The following ALDH18A1 variants were observed in gnomAD, a reference collection of about 807,000 sequenced individuals.
ALDH18A1 encodes aldehyde dehydrogenase 18 family member A1.
Under a neutral mutation model 88.8 loss-of-function variants are expected in ALDH18A1, and 44 were observed. The observed-to-expected ratio is 0.50, with a 90% confidence interval of 0.39 to 0.64. The LOEUF is 0.64. Among genes scored for constraint, ALDH18A1 ranks in the 30% least tolerant of loss-of-function variants. ALDH18A1 has a pLI of 0.00. For missense variants in ALDH18A1, 782 were observed against 1,009.5 expected, an observed-to-expected ratio of 0.77 and a Z score of 3.05; for synonymous variants, 331 against 372.1, an observed-to-expected ratio of 0.89 and a Z score of 1.27.
intron 11 of ALDH18A1, among the ~76,000 whole-genome samples, chr10:95,623,992 C>T (rs997149205): frequency 5.3e-5 from 8 of 151,926 alleles, no homozygotes; most frequent in African/African-American, 9.7e-5. Context: ...TGAGCCACTG[C>T]GCCCAGCAGT....
chr10:95,633,372 A>T, intron 6 of ALDH18A1, 119 bp downstream of exon 6: 1 of 1,311,338 alleles, frequency 7.6e-7, no homozygotes, highest in South Asian at 1.4e-5. Flanking sequence ...CTGCTCCATG[A>T]CAAGTTTCTC....
intron 11 of ALDH18A1, among the ~76,000 whole-genome samples, chr10:95,624,495 G>C (rs2097857769): frequency 6.6e-6 from 1 of 152,178 alleles, no homozygotes; most frequent in Admixed American, 6.5e-5. Context: ...TTTAAGGAAT[G>C]AAAGTAACGT....
Position 95,637,170 on chromosome 10 carries a change from A to G in ALDH18A1, c.481T>C (p.Cys161Arg), listed in dbSNP as rs2097882275. Residue 161 changes from cysteine to arginine, a missense_variant, in exon 5 of 18, where the codon TGT (cysteine) becomes CGT (arginine). By Grantham distance (180) the Cys-to-Arg change is radical (BLOSUM62 -3). Coordinates refer to ENST00000371224, the MANE Select transcript of ALDH18A1 (RefSeq NM_002860.4). ...AGCCCACTCTGTCCGGCAGCTGCAC[A>G]GGCTCGTGCCTCTAAGACTGGAATT... ...MAIPVLEARA[C>R]AAAGQSGLMA... 1 of 1,614,092 alleles carries G rather than the reference A, an allele frequency of 6.2e-7. No homozygotes were observed. The highest frequency in any genetic ancestry group is 1.3e-5 in the African/African-American group (1 of 74,940).
In ALDH18A1 at chr10:95,614,114, C is replaced by T; in HGVS notation, c.1653G>A (p.Met551Ile). ...AGCCACGTGGAATGATCAGATCTAT[C>T]ATTTTGTCTAGGCGGCAAAGATCTT... ...EVEDLCRLDK[M>I]IDLIIPRGSS... The change falls in exon 14 of 18, where the codon ATG becomes ATA. Residue 551 changes from methionine to isoleucine, a missense_variant. Coordinates refer to ENST00000371224, the MANE Select transcript of ALDH18A1 (RefSeq NM_002860.4). The T allele has an allele frequency of 6.2e-7, 1 of 1,614,186 alleles. No individual in the cohort carries two copies. Among genetic ancestry groups the T allele is most frequent in the Non-Finnish European group, 8.5e-7 (1 of 1,180,030 alleles).
intron 11 of ALDH18A1, 118 bp from the exon 12 acceptor site, chr10:95,621,369 G>C: frequency 1.1e-6 from 1 of 927,116 alleles, no homozygotes; most frequent in Non-Finnish European, 1.7e-6. Context: ...GCCCAGGCTG[G>C]AGTGCAGTGG....
chr10:95,635,645 G>A (rs372422075), intron 5 of ALDH18A1, among the ~76,000 whole-genome samples: 1 of 152,302 alleles, frequency 6.6e-6, no homozygotes, highest in African/African-American at 2.4e-5. Context: ...TGATGGCCTT[G>A]GGGGAAGACA....
intron 11 of ALDH18A1, among the ~76,000 whole-genome samples, chr10:95,625,076 T>C (rs1399290291): frequency 6.6e-6 from 1 of 152,208 alleles, no homozygotes; most frequent in Non-Finnish European, 1.5e-5. Flanking sequence ...CTGAATGTCT[T>C]AAGCAGTGGG....
intron 1 of ALDH18A1, 21 bp from the exon 2 acceptor site, chr10:95,653,426 A>G (rs760513117): frequency 6.3e-7 from 1 of 1,580,604 alleles, no homozygotes. Context: ...CATTTTTTAA[A>G]AAGTGAGTAA....
At chr10:95,636,992 T>C in intron 5 of ALDH18A1, 101 bp downstream of exon 5, 1 of 1,090,764 alleles carries the variant, frequency 9.2e-7, no homozygotes, top group Non-Finnish European at 1.4e-6. Flanking sequence ...TAGCAAGTGA[T>C]GAAGCTGACA....
chr10:95,632,981 C>G lies in ALDH18A1; in HGVS notation c.786G>C (p.Leu262Phe), dbSNP rs1380580792. 2.1e-5 allele frequency: 34 copies of G among 1,614,018 alleles called. No individual in the cohort carries two copies. The highest frequency in any genetic ancestry group is 2.7e-5 in the Non-Finnish European group (32 of 1,179,988). Residue 262 changes from leucine to phenylalanine, a missense_variant, in exon 7 of 18, where the codon TTG becomes TTC. Leu to Phe is a conservative substitution (Grantham distance 22). Coordinates refer to ENST00000371224, the MANE Select transcript of ALDH18A1 (RefSeq NM_002860.4). The stretch of plus-strand genomic sequence containing the variant: ...TACCTTCTACATCTGAAAGAACAAT[C>G]AAGAGATCAGTTTTCATTTCCACAG... ...RLAVEMKTDLLIVLSDVEGLF... is the reference protein window; with the variant it reads ...RLAVEMKTDLFIVLSDVEGLF...
chr10:95,626,650 A>G (rs2097860821), intron 10 of ALDH18A1, 53 bp downstream of exon 10: 2 of 1,571,684 alleles, frequency 1.3e-6, no homozygotes, highest in Admixed American at 3.4e-5. Context: ...CTGTAACTAC[A>G]CAGCATGACT....
intron 9 of ALDH18A1, 145 bp from the exon 10 acceptor site, chr10:95,626,921 C>G (rs2097861241): frequency 1.2e-6 from 1 of 813,350 alleles, no homozygotes; most frequent in South Asian, 1.5e-5. Context: ...TTGTTTCACA[C>G]AGGGGATCAC....
In ALDH18A1 at chr10:95,606,323, C is replaced by T; in HGVS notation, c.*439G>A. 1 of 1,001,046 alleles carries T rather than the reference C, an allele frequency of 1.0e-6. No individual in the cohort carries two copies. The highest frequency in any genetic ancestry group is 1.2e-6 in the Non-Finnish European group (1 of 838,740). The allele number at this position is 1,001,046 out of a possible 1,614,324, so 62.0% of individuals were successfully genotyped here. On this transcript the variant is annotated 3_prime_UTR_variant, in exon 18 of 18. Coordinates refer to ENST00000371224, the MANE Select transcript of ALDH18A1 (RefSeq NM_002860.4). ...GAAGAGTTGCCCCTTTTCTAAAATT[C>T]CAAATCTTTCCTTTTTGAAGATGAC... is the stretch of plus-strand genomic sequence containing the variant.
At position 95,633,512 on chromosome 10, in the gene ALDH18A1, G is replaced by A. The variant is rs149074408; in HGVS notation, c.696C>T (p.Asn232=). The stretch of plus-strand genomic sequence containing the variant: ...CCACATTTACCCCCTGCAGGTCACT[G>A]TTGGGCTCAGCTGGGGGGACAACAG... ...NDAVVPPAEP[N]SDLQGVNVIS... is the part of the protein sequence containing the mutation. The change falls in exon 6 of 18, where the codon AAC becomes AAT. Residue 232 remains asparagine (N), a synonymous_variant. Coordinates refer to ENST00000371224, the MANE Select transcript of ALDH18A1 (RefSeq NM_002860.4). The A allele has an allele frequency of 2.5e-6, 4 of 1,614,166 alleles. No homozygotes were observed. The East Asian group carries it at 8.9e-5, about 36-fold the overall frequency.
chr10:95,649,635 G>A lies in ALDH18A1; in HGVS notation c.88+3655C>T, dbSNP rs369518225. Among the ~76,000 whole-genome samples, 256 of 152,116 alleles carry A rather than the reference G, an allele frequency of 1.7e-3. 3 individuals carry two copies. Among genetic ancestry groups the A allele is most frequent in the Middle Eastern group, 3.4e-3 (1 of 294 alleles). ...CTCCCAAAGTGCTGGGATTACAGGC[G>A]TGAGCCATCAGGCCCAACCAAAAAA... On this transcript the variant is annotated intron_variant, in intron 2 of 17. Transcript: ENST00000371224.
In ALDH18A1 at chr10:95,611,106, A is replaced by G. The variant is rs538620880; in HGVS notation, c.2110+150T>C. 6 of 852,728 alleles carry G rather than the reference A, an allele frequency of 7.0e-6. No individual in the cohort carries two copies. The South Asian group carries it at 9.5e-5, about 14-fold the overall frequency. The allele number at this position is 852,728 out of a possible 1,614,324, so 52.8% of individuals were successfully genotyped here. A position where few individuals can be genotyped will look rare whatever the true frequency, so the allele number is the denominator to read the frequency against. On this transcript the variant is annotated intron_variant, in intron 16 of 17. Transcript: ENST00000371224. ...CAATATAATAAAGTGATGTGAAAGC[A>G]CTCATCAAAGTACCAAATGCAACCA...
chr10:95,608,429 A>C (rs1282077123), intron 17 of ALDH18A1, among the ~76,000 whole-genome samples: 2 of 152,264 alleles, frequency 1.3e-5, no homozygotes, highest in Non-Finnish European at 2.9e-5. Context: ...TAACCTTTTA[A>C]CAATTTGGTG....
chr10:95,625,317 TGCAC>T (rs2097858758), intron 11 of ALDH18A1, 41 bp downstream of exon 11: 1 of 1,530,642 alleles, frequency 6.5e-7, no homozygotes, highest in South Asian at 1.1e-5. Flanking sequence ...ACCAAAATAA[TGCAC>T]ACCCCTCCAC....
At chr10:95,648,272 T>C (rs911000684) in intron 2 of ALDH18A1, among the ~76,000 whole-genome samples, 4 of 152,200 alleles carry the variant, frequency 2.6e-5, no homozygotes, top group Admixed American at 6.5e-5. Flanking sequence ...ATTGTTGTTA[T>C]GGAGTGAGAG....
Sources: allele counts gnomAD v4.1 joint callset (sites outside exome capture counted in the v4.1 genomes callset), GRCh38; gene constraint gnomAD v4.1.1; transcripts MANE v1.5; gene names NCBI Gene and HGNC (gene_info 2026-07-23, HGNC 2026-07-21).